Variants in MAPK8IP3 observed in about 807,000 individuals in gnomAD.
MAPK8IP3 encodes the protein C-Jun-amino-terminal kinase-interacting protein 3.
A neutral mutation model predicts 157.8 loss-of-function variants in MAPK8IP3; 49 were observed. The observed-to-expected ratio is 0.31, with a 90% confidence interval of 0.25 to 0.39. The LOEUF is 0.39. MAPK8IP3 is among the 10% of genes least tolerant of loss of function. The pLI is 1.00. For missense variants in MAPK8IP3, 1,478 were observed against 1,889.4 expected (o/e 0.78, Z 4.04); for synonymous variants, 897 against 777.7 (o/e 1.15, Z -2.55).
In MAPK8IP3 at chr16:1,762,267, C is replaced by G. The variant is rs996130096; in HGVS notation, c.1540-84C>G. The G allele has an allele frequency of 1.8e-5, 27 of 1,475,010 alleles. No homozygotes were observed. In the East Asian group the frequency reaches 5.2e-4, roughly 28 times the overall value. 91.4% of individuals were successfully genotyped at this position (1,475,010 alleles called of 1,614,324 possible). On this transcript the variant is annotated intron_variant, in intron 13 of 31. Coordinates refer to ENST00000610761, the MANE Select transcript of MAPK8IP3 (RefSeq NM_001318852.2). ...GAAGGAAATTGGCACTGAGATCCAC[C>G]TATACGTGTAGGCACCCCAGGAGGA...
chr16:1,714,496 A>C (rs1169971398), intron 1 of MAPK8IP3, among the ~76,000 whole-genome samples: 1 of 149,784 alleles, frequency 6.7e-6, no homozygotes, highest in Non-Finnish European at 1.5e-5. Flanking sequence ...CGTTTCTCAC[A>C]CAGGGTCTAG....
intron 1 of MAPK8IP3, among the ~76,000 whole-genome samples, chr16:1,715,957 C>G (rs2038119934): frequency 1.3e-5 from 2 of 152,052 alleles, no homozygotes; most frequent in African/African-American, 4.8e-5. Flanking sequence ...GAACTCCTGA[C>G]CTCACGTGAT....
Position 1,760,264 on chromosome 16 carries a change from C to G in MAPK8IP3, c.1305-116C>G, listed in dbSNP as rs2041858801. The G allele has an allele frequency of 2.2e-6, 3 of 1,373,442 alleles. No homozygotes were observed. In the African/African-American group the frequency reaches 4.4e-5, roughly 20 times the overall value. The allele number at this position is 1,373,442 out of a possible 1,614,324, so 85.1% of individuals were successfully genotyped here. A position where few individuals can be genotyped will look rare whatever the true frequency, so the allele number is the denominator to read the frequency against. On this transcript the variant is annotated intron_variant, in intron 11 of 31. Coordinates refer to ENST00000610761, the MANE Select transcript of MAPK8IP3 (RefSeq NM_001318852.2). ...GGGGATGGGGTCTCCCATTCAGCCA[C>G]CTTCCTAACCAGGCTGTGCCTTCTC...
chr16:1,766,036 T>C lies in MAPK8IP3; in HGVS notation c.2523T>C (p.Asp841=), dbSNP rs759108343. 1 of 1,612,692 alleles carries C rather than the reference T, an allele frequency of 6.2e-7. No homozygotes were observed. Among genetic ancestry groups the C allele is most frequent in the African/African-American group, 1.3e-5 (1 of 74,926 alleles). Residue 841 remains aspartate, a synonymous_variant, in exon 21 of 32, where the codon GAT becomes GAC. Coordinates refer to ENST00000610761, the MANE Select transcript of MAPK8IP3 (RefSeq NM_001318852.2). ...SDVNPEDPGA[D]GVLAGITLVG... ...TGAACCCAGAGGACCCGGGCGCAGA[T>C]GGCGTGCTGGCCGGTATCACCCTGG...
In MAPK8IP3 at chr16:1,729,508, C is replaced by A; in HGVS notation, c.532C>A (p.His178Asn). The change falls in exon 4 of 32, where the codon CAC (histidine) becomes AAC (asparagine). Residue 178 changes from histidine (H) to asparagine (N), a missense_variant. His to Asn is a moderately conservative substitution (Grantham distance 68). Coordinates refer to ENST00000610761, the MANE Select transcript of MAPK8IP3 (RefSeq NM_001318852.2). ...GCAGATGATACAGACCTACGTGGAG[C>A]ACATTGAGAGGTCCAAGATGCAGCA... ...HTEMIQTYVE[H>N]IERSKMQQVG... is the part of the protein sequence containing the mutation. The A allele has an allele frequency of 6.2e-7, 1 of 1,612,992 alleles. No homozygotes were observed.
chr16:1,762,431 G>A lies in MAPK8IP3; in HGVS notation c.1620G>A (p.Lys540=), dbSNP rs8052407. Residue 540 remains lysine, a synonymous_variant, in exon 14 of 32, where the codon AAG becomes AAA. Transcript: ENST00000610761. ...ARVLMERNQY[K]ERLMELQEAV... ...TGCTCATGGAGCGGAACCAGTACAA[G>A]GAGCGGCTGATGGAGCTGCAGGAGG... 4.0e-4 allele frequency: 637 copies of A among 1,609,296 alleles called. 4 individuals are homozygous for A. The African/African-American group carries it at 7.5e-3, about 19-fold the overall frequency.
chr16:1,733,763 G>A (rs2039470810), intron 4 of MAPK8IP3, among the ~76,000 whole-genome samples: 1 of 152,214 alleles, frequency 6.6e-6, no homozygotes, highest in Admixed American at 6.5e-5. Flanking sequence ...CTATGTCAGG[G>A]CTGCTGCACT....
At chr16:1,740,189 T>G (rs2040574265) in intron 4 of MAPK8IP3, among the ~76,000 whole-genome samples, 1 of 122,194 alleles carries the variant, frequency 8.2e-6, no homozygotes, top group African/African-American at 3.5e-5. Flanking sequence ...ACCGTTCGTG[T>G]GAGTGTGTGA....
At chr16:1,722,366 C>T (rs2038583703) in intron 1 of MAPK8IP3, among the ~76,000 whole-genome samples, 1 of 152,130 alleles carries the variant, frequency 6.6e-6, no homozygotes, top group South Asian at 2.1e-4. Context: ...TGGGCAGAGC[C>T]CCAGTGGTTT....
intron 12 of MAPK8IP3, 41 bp downstream of exon 12, chr16:1,760,573 G>A (rs746632895): frequency 1.5e-5 from 23 of 1,584,570 alleles, no homozygotes; most frequent in South Asian, 1.0e-4. Flanking sequence ...GAGGGACCCC[G>A]GCCTCAGGGC....
rs1330163429 is a variant in MAPK8IP3 at position 1,710,996 on chromosome 16, C to T, written c.318+4339C>T. On this transcript the variant is annotated intron_variant, in intron 1 of 31. Transcript: ENST00000610761. The surrounding 1 kb of genome is among the most constrained non-coding windows in gnomAD (Gnocchi z 4.1). ...ACAGAGGCCGAAGTGGCCCGGAGGC[C>T]GCTGGGCGCAGCCTGCCCCTCTGCC... 6.6e-6 allele frequency among the ~76,000 whole-genome samples: 1 copy of T among 152,224 alleles called. No homozygotes were observed. Among genetic ancestry groups the T allele is most frequent in the Non-Finnish European group, 1.5e-5 (1 of 68,048 alleles).
At position 1,766,661 on chromosome 16, in the gene MAPK8IP3, C is replaced by T. The variant is rs373674031; in HGVS notation, c.2939+13C>T. The T allele has an allele frequency of 1.4e-5, 23 of 1,612,226 alleles. No individual in the cohort carries two copies. Among genetic ancestry groups the T allele is most frequent in the African/African-American group, 2.7e-5 (2 of 74,924 alleles). On this transcript the variant is annotated intron_variant, in intron 23 of 31. Coordinates refer to ENST00000610761, the MANE Select transcript of MAPK8IP3 (RefSeq NM_001318852.2). ...CCCAGAACGGCTGGTAGGAAGGGCC[C>T]GGGGCAAGGTGGAGGGAGGGTCCTG...
intron 1 of MAPK8IP3, among the ~76,000 whole-genome samples, chr16:1,721,336 C>G (rs113677382): frequency 1.4e-4 from 22 of 151,984 alleles, no homozygotes; most frequent in African/African-American, 4.3e-4. Context: ...ATCCTTTGCT[C>G]ATGCCTGTAA....
At chr16:1,736,303 C>T (rs2039810616) in intron 4 of MAPK8IP3, among the ~76,000 whole-genome samples, 1 of 67,040 alleles carries the variant, frequency 1.5e-5, no homozygotes, top group Non-Finnish European at 2.8e-5. Flanking sequence ...TGACCGTGAG[C>T]GTCCGTGTGA....
intron 4 of MAPK8IP3, among the ~76,000 whole-genome samples, chr16:1,739,571 TGTGTGTGACCGTCC>T (rs1432179223): frequency 1.6e-5 from 2 of 127,958 alleles, no homozygotes; most frequent in African/African-American, 3.0e-5. Context: ...ACCGTTCGTG[TGTGTGTGACCGTCC>T]GTGTGTGACC....
Position 1,743,725 on chromosome 16 carries a change from C to T in MAPK8IP3, c.747+249C>T. 2 of 1,380,392 alleles carry T rather than the reference C, an allele frequency of 1.4e-6. No individual in the cohort carries two copies. The highest frequency in any genetic ancestry group is 1.7e-5 in the South Asian group (1 of 58,406). 85.5% of individuals were successfully genotyped at this position (1,380,392 alleles called of 1,614,324 possible). On this transcript the variant is annotated intron_variant, in intron 5 of 31. Transcript: ENST00000610761. This position sits in a 1 kb window ranked among gnomAD's most constrained non-coding sequence, Gnocchi z 5.6. ...GCACCTGCTAGTCCAGGCTAGACCT[C>T]CCTGCCCTTGGATAGACCGCTCTGT...
At chr16:1,737,958 G>C (rs1226405818) in intron 4 of MAPK8IP3, among the ~76,000 whole-genome samples, 2 of 73,806 alleles carry the variant, frequency 2.7e-5, no homozygotes, top group East Asian at 5.3e-4. Context: ...GTCCGTGTGA[G>C]CGTCCGTGTG....
Position 1,738,624 on chromosome 16 carries a change from C to T in MAPK8IP3, c.603-4708C>T, listed in dbSNP as rs111067659. On this transcript the variant is annotated intron_variant, in intron 4 of 31. Coordinates refer to ENST00000610761, the MANE Select transcript of MAPK8IP3 (RefSeq NM_001318852.2). Reference sequence around the variant, plus strand: ...TCTGTGTGACCGTCCGTGTGAGCATCGGTGTGAGCGTGTGAGCGTCCGTGT... The same window carrying T: ...TCTGTGTGACCGTCCGTGTGAGCATTGGTGTGAGCGTGTGAGCGTCCGTGT... Among the ~76,000 whole-genome samples, 1,158 of 119,054 alleles carry T rather than the reference C, an allele frequency of 9.7e-3. 24 individuals are homozygous for T. Among genetic ancestry groups the T allele is most frequent in the African/African-American group, 0.037 (1,109 of 30,038 alleles). 78.1% of individuals were successfully genotyped at this position (119,054 alleles called of 152,430 possible). A position where few individuals can be genotyped will look rare whatever the true frequency, so the allele number is the denominator to read the frequency against.
At chr16:1,737,089 T>TGA (rs1431748988) in intron 4 of MAPK8IP3, among the ~76,000 whole-genome samples, 2 of 73,242 alleles carry the variant, frequency 2.7e-5, no homozygotes, top group African/African-American at 5.5e-5. Flanking sequence ...ACCGTCCGTG[T>TGA]GAGTGTGACC....
Sources: gnomAD v4.1 joint callset for allele counts (sites outside exome capture counted in the v4.1 genomes callset) on GRCh38, gnomAD v4.1.1 for gene constraint, Gnocchi (gnomAD v3.1) non-coding constraint, MANE v1.5 for transcripts, NCBI Gene and HGNC (gene_info 2026-07-23, HGNC 2026-07-21) for gene names.